The following ST3GAL4 variants were observed in gnomAD, a reference collection of about 807,000 sequenced individuals.
ST3GAL4 encodes the protein ST3 beta-galactoside alpha-2,3-sialyltransferase 4.
A neutral mutation model predicts 42.6 loss-of-function variants in ST3GAL4; 24 were observed. The observed-to-expected ratio is 0.56, with a 90% CI of 0.41 to 0.79. ST3GAL4 has a LOEUF of 0.79. Ranked by LOEUF, ST3GAL4 falls within the 30% of genes least tolerant of loss-of-function variation. The pLI, the probability that ST3GAL4 is intolerant of heterozygous loss-of-function variation, is 0.00. For missense variants in ST3GAL4, 311 were observed against 430.8 expected (o/e 0.72, Z 2.46); for synonymous variants, 135 against 163.2 (o/e 0.83, Z 1.32).
chr11:126,357,102 G>T (rs1190590069), intron 1 of ST3GAL4, among the ~76,000 whole-genome samples: 1 of 152,226 alleles, frequency 6.6e-6, no homozygotes, highest in Admixed American at 6.5e-5. Context: ...CCGGGGACGT[G>T]CCCGCTGTTT....
rs1206995385 is a variant in ST3GAL4, at chr11:126,378,291, G to A, written c.-61+22449G>A. ...GATACGAATGTCATGGTTATTCTCC[G>A]TCACATCTGCGTCTGCACAGCGCCA... On this transcript the variant is annotated intron_variant, in intron 1 of 10. Transcript: ENST00000444328. The surrounding 1 kb of genome is among the most constrained non-coding windows in gnomAD (Gnocchi z 5.3). 2.0e-5 allele frequency among the ~76,000 whole-genome samples: 3 copies of A among 152,148 alleles called. No individual in the cohort carries two copies. Among genetic ancestry groups the A allele is most frequent in the East Asian group, 1.9e-4 (1 of 5,196 alleles).
rs1953817432 is a variant in ST3GAL4 at position 126,397,221 on chromosome 11, G to C, written c.-60-8875G>C. Reference sequence around the variant, plus strand: ...TTTGTAAAACATCTGCTACATTCTTGGCAGTTTAATAGAATCTGGAGATAC... The same window carrying C: ...TTTGTAAAACATCTGCTACATTCTTCGCAGTTTAATAGAATCTGGAGATAC... On this transcript the variant is annotated intron_variant, in intron 1 of 10. Transcript: ENST00000444328. The surrounding 1 kb of genome is among the most constrained non-coding windows in gnomAD (Gnocchi z 5.0). 6.6e-6 allele frequency among the ~76,000 whole-genome samples: 1 copy of C among 152,040 alleles called. No individual in the cohort carries two copies. Among genetic ancestry groups the C allele is most frequent in the African/African-American group, 2.4e-5 (1 of 41,326 alleles).
At chr11:126,374,445 CTTTGTCTCCAAAAAAAAAAAAAAAAA>C (rs1952759557) in intron 1 of ST3GAL4, among the ~76,000 whole-genome samples, 1 of 102,698 alleles carries the variant, frequency 9.7e-6, no homozygotes, top group Non-Finnish European at 1.8e-5. Context: ...CAAAGCAAGA[CTTTGTCTCCAAAAAAAAAAAAAAAAA>C]AAAAAAATAG....
chr11:126,408,046 C>T lies in ST3GAL4; in HGVS notation c.342-53C>T, dbSNP rs569246972. ...ATGGGCCCAGGCAGATCCAGGGCAG[C>T]GAGCCTGGGTTAGAGTGTGGGGTGA... On this transcript the variant is annotated intron_variant, in intron 6 of 10. Coordinates refer to ENST00000444328, the MANE Select transcript of ST3GAL4 (RefSeq NM_001254757.2). 63 of 1,579,818 alleles carry T rather than the reference C, an allele frequency of 4.0e-5. No homozygotes were observed. In the African/African-American group the frequency reaches 4.3e-4, roughly 11 times the overall value.
intron 1 of ST3GAL4, among the ~76,000 whole-genome samples, chr11:126,358,689 G>A (rs1199388538): frequency 1.3e-5 from 2 of 152,200 alleles, no homozygotes; most frequent in East Asian, 1.9e-4. Context: ...GTTGCATTTC[G>A]GGGTTAGAGG....
At chr11:126,388,668 T>G (rs1428104667) in intron 1 of ST3GAL4, among the ~76,000 whole-genome samples, 1 of 139,686 alleles carries the variant, frequency 7.2e-6, no homozygotes, top group East Asian at 1.9e-4. Context: ...TTGTTTTTTT[T>G]TTTTTTTTTT....
intron 1 of ST3GAL4, among the ~76,000 whole-genome samples, chr11:126,369,103 G>A (rs1386856906): frequency 6.6e-6 from 1 of 152,224 alleles, no homozygotes; most frequent in Non-Finnish European, 1.5e-5. Context: ...AGGAGGGCAA[G>A]TAGGGCTAGT....
chr11:126,411,412 A>G lies in ST3GAL4; in HGVS notation c.771+2001A>G, dbSNP rs1050156539. Among the ~76,000 whole-genome samples the G allele has an allele frequency of 1.4e-4, 21 of 152,306 alleles. No homozygotes were observed. The highest frequency in any genetic ancestry group is 5.1e-4 in the African/African-American group (21 of 41,572). ...CTCGGCCTCCCAAAGTGCTGGGATT[A>G]CAGGTGTGAGCCACTGCGCCTGGCC... On this transcript the variant is annotated intron_variant, in intron 9 of 10. Coordinates refer to ENST00000444328, the MANE Select transcript of ST3GAL4 (RefSeq NM_001254757.2). The surrounding 1 kb of genome is among the most constrained non-coding windows in gnomAD (Gnocchi z 6.3).
chr11:126,412,750 TG>T (rs1476049703), intron 9 of ST3GAL4, among the ~76,000 whole-genome samples: 1 of 152,234 alleles, frequency 6.6e-6, no homozygotes, highest in Admixed American at 6.5e-5. Flanking sequence ...GTCTTCTGAA[TG>T]AGGTCAGGTT....
rs771711394 is a variant in ST3GAL4 at position 126,406,421 on chromosome 11, G to A, written c.17-52G>A. On this transcript the variant is annotated intron_variant, in intron 2 of 10. Transcript: ENST00000444328. The surrounding 1 kb of genome is among the most constrained non-coding windows in gnomAD (Gnocchi z 5.4). ...GGGGGCAGGTGGGAAGGTGGACGGG[G>A]GTTGTACCTGCCTGTTGCTGCCTCT... 3 of 1,613,590 alleles carry A rather than the reference G, an allele frequency of 1.9e-6. No homozygotes were observed. The highest frequency in any genetic ancestry group is 1.7e-5 in the Admixed American group (1 of 60,002).
At chr11:126,388,699 A>G (rs1203804162) in intron 1 of ST3GAL4, among the ~76,000 whole-genome samples, 1 of 122,164 alleles carries the variant, frequency 8.2e-6, no homozygotes, top group Non-Finnish European at 1.6e-5. Flanking sequence ...ACGTGAGCAC[A>G]TCATAGGCTC....
rs1023859326 is a variant in ST3GAL4 at position 126,409,692 on chromosome 11, G to C, written c.771+281G>C. On this transcript the variant is annotated intron_variant, in intron 9 of 10. Transcript: ENST00000444328. This position sits in a 1 kb window ranked among gnomAD's most constrained non-coding sequence, Gnocchi z 4.9. ...TTTTGGCAGGCGCTGGTCAGAATTTGTCAACTGGGGAGCTGCTGGAACAGT... is the reference window on the plus strand; with the variant it reads ...TTTTGGCAGGCGCTGGTCAGAATTTCTCAACTGGGGAGCTGCTGGAACAGT... 2.0e-5 allele frequency among the ~76,000 whole-genome samples: 3 copies of C among 152,178 alleles called. No homozygotes were observed. Among genetic ancestry groups the C allele is most frequent in the Non-Finnish European group, 2.9e-5 (2 of 68,030 alleles).
Position 126,410,113 on chromosome 11 carries a change from C to T in ST3GAL4, c.771+702C>T, listed in dbSNP as rs1188831232. ...TAGAGATGGGGGTCTCACTGTGTTG[C>T]CCAGGCTGGTCCTGAACTCCTGGCC... On this transcript the variant is annotated intron_variant, in intron 9 of 10. Transcript: ENST00000444328. The surrounding 1 kb of genome is among the most constrained non-coding windows in gnomAD (Gnocchi z 5.3). Among the ~76,000 whole-genome samples, 1 of 152,174 alleles carries T rather than the reference C, an allele frequency of 6.6e-6. No individual in the cohort carries two copies. Among genetic ancestry groups the T allele is most frequent in the African/African-American group, 2.4e-5 (1 of 41,442 alleles).
At chr11:126,361,338 A>G (rs1269201986) in intron 1 of ST3GAL4, among the ~76,000 whole-genome samples, 1 of 150,528 alleles carries the variant, frequency 6.6e-6, no homozygotes, top group African/African-American at 2.4e-5. Context: ...TTTTTTTGAA[A>G]CTGTGACAGA....
chr11:126,361,414 CT>C (rs1952238868), intron 1 of ST3GAL4, among the ~76,000 whole-genome samples: 1 of 150,866 alleles, frequency 6.6e-6, no homozygotes, highest in South Asian at 2.1e-4. Flanking sequence ...TGTGACCCCC[CT>C]GTGGTTCTCA....
rs1953527694 is a variant in ST3GAL4 at position 126,391,917 on chromosome 11, AC to A, written c.-60-14178del. On this transcript the variant is annotated intron_variant, in intron 1 of 10. Coordinates refer to ENST00000444328, the MANE Select transcript of ST3GAL4 (RefSeq NM_001254757.2). The surrounding 1 kb of genome is among the most constrained non-coding windows in gnomAD (Gnocchi z 5.5). ...ACTGGGGTGTGTTTTGAGGCTCAGA[AC>A]ACCTGTGATAACTTGGTCGTGTGTG... Among the ~76,000 whole-genome samples the A allele has an allele frequency of 6.6e-6, 1 of 150,412 alleles. No homozygotes were observed. Among genetic ancestry groups the A allele is most frequent in the African/African-American group, 2.5e-5 (1 of 40,496 alleles).
Position 126,376,753 on chromosome 11 carries a change from ACT to A in ST3GAL4, c.-61+20916_-61+20917del. The stretch of plus-strand genomic sequence containing the variant: ...TAGTGTGACTAGATGACACAGTATT[ACT>A]CTCTGTTACCACCACCAATGTAGTC... On this transcript the variant is annotated intron_variant, in intron 1 of 10. Coordinates refer to ENST00000444328, the MANE Select transcript of ST3GAL4 (RefSeq NM_001254757.2). This position sits in a 1 kb window ranked among gnomAD's most constrained non-coding sequence, Gnocchi z 5.1. The A allele has an allele frequency of 6.6e-6, 1 of 152,260 alleles. No individual in the cohort carries two copies. Among genetic ancestry groups the A allele is most frequent in the South Asian group, 2.1e-4 (1 of 4,826 alleles). 9.4% of individuals were successfully genotyped at this position (152,260 alleles called of 1,614,324 possible). A position where few individuals can be genotyped will look rare whatever the true frequency, so the allele number is the denominator to read the frequency against.
rs34002567 is a variant in ST3GAL4, at chr11:126,392,960, CTT to C, written c.-60-13119_-60-13118del. 4.9e-4 allele frequency among the ~76,000 whole-genome samples: 62 copies of C among 127,770 alleles called. No individual in the cohort carries two copies. Among genetic ancestry groups the C allele is most frequent in the East Asian group, 2.5e-3 (11 of 4,356 alleles). 83.8% of individuals were successfully genotyped at this position (127,770 alleles called of 152,430 possible). On this transcript the variant is annotated intron_variant, in intron 1 of 10. Transcript: ENST00000444328. The surrounding 1 kb of genome is among the most constrained non-coding windows in gnomAD (Gnocchi z 5.8). ...ATTTGTAACACGACCAACTCCTGTT[CTT>C]TTTTTTTTTTTTTTTTGAGACAGGC...
intron 8 of ST3GAL4, chr11:126,408,892 C>A: frequency 2.5e-6 from 1 of 396,906 alleles, no homozygotes; most frequent in Admixed American, 3.9e-5. Flanking sequence ...AGAAAGAGTT[C>A]ACTACATCAC....
Sources: gnomAD v4.1 joint callset for allele counts (sites outside exome capture counted in the v4.1 genomes callset) on GRCh38, gnomAD v4.1.1 for gene constraint, Gnocchi (gnomAD v3.1) non-coding constraint, MANE v1.5 for transcripts, NCBI Gene and HGNC (gene_info 2026-07-23, HGNC 2026-07-21) for gene names.